ABAT: variants seen among roughly 807,000 people sequenced by gnomAD.
The protein encoded by ABAT is 4-aminobutyrate aminotransferase, mitochondrial.
ABAT carries 45 observed loss-of-function variants against 64.6 expected under a neutral mutation model. The observed-to-expected ratio is 0.70, with a 90% CI of 0.55 to 0.89. The LOEUF is 0.89. Among genes scored for constraint, ABAT ranks in the 40% least tolerant of loss-of-function variants. ABAT has a pLI of 0.00. For missense variants in ABAT, 633 were observed against 658.4 expected (o/e 0.96, Z 0.42); for synonymous variants, 297 against 250.5 (o/e 1.19, Z -1.75).
intron 14 of ABAT, among the ~76,000 whole-genome samples, chr16:8,777,143 C>T (rs768801937): frequency 1.2e-4 from 19 of 152,144 alleles, no homozygotes; most frequent in African/African-American, 2.4e-4. Flanking sequence ...TCAGGTGATC[C>T]GCTTGCCTCA....
At chr16:8,730,672 C>G (rs1159851707) in intron 1 of ABAT, among the ~76,000 whole-genome samples, 2 of 152,126 alleles carry the variant, frequency 1.3e-5, no homozygotes, top group Non-Finnish European at 2.9e-5. Flanking sequence ...GAATTTCTGT[C>G]CACTGTGGGG....
At position 8,772,849 on chromosome 16, in the gene ABAT, C is replaced by A; in HGVS notation, c.886C>A (p.Gln296Lys). ...TVAGIIVEPI[Q>K]SEGGDNHASD... ...GGCCGGGATCATCGTGGAGCCCATC[C>A]AGTCCGAGGGTGGAGACAACCACGC... The change falls in exon 12 of 16, where the codon CAG (glutamine) becomes AAG (lysine). Residue 296 changes from glutamine (Q) to lysine (K), a missense_variant. Gln to Lys is a moderately conservative substitution (Grantham distance 53). Coordinates refer to ENST00000268251, the MANE Select transcript of ABAT (RefSeq NM_020686.6). 7 of 1,614,080 alleles carry A rather than the reference C, an allele frequency of 4.3e-6. No individual in the cohort carries two copies. The highest frequency in any genetic ancestry group is 5.9e-6 in the Non-Finnish European group (7 of 1,180,024).
intron 5 of ABAT, among the ~76,000 whole-genome samples, chr16:8,753,391 G>A (rs1306438036): frequency 6.6e-6 from 1 of 152,086 alleles, no homozygotes; most frequent in African/African-American, 2.4e-5. Flanking sequence ...CACCGCGCCT[G>A]GCCCTCCCAA....
chr16:8,766,885 C>T (rs1398018552), intron 9 of ABAT, among the ~76,000 whole-genome samples: 1 of 152,090 alleles, frequency 6.6e-6, no homozygotes, highest in African/African-American at 2.4e-5. Context: ...AGGAGAATCG[C>T]TTGAACCCGA....
At chr16:8,779,934 C>T (rs2060384502) in intron 15 of ABAT, among the ~76,000 whole-genome samples, 2 of 152,076 alleles carry the variant, frequency 1.3e-5, no homozygotes, top group Non-Finnish European at 2.9e-5. Flanking sequence ...CAATCCATTG[C>T]AATTTTAAGT....
intron 11 of ABAT, among the ~76,000 whole-genome samples, chr16:8,770,495 G>C (rs150329921): frequency 6.6e-6 from 1 of 152,024 alleles, no homozygotes. Context: ...CTGGAGTGCA[G>C]TGGTGCAATC....
chr16:8,762,671 G>A (rs965505029), intron 6 of ABAT, among the ~76,000 whole-genome samples: 13 of 152,184 alleles, frequency 8.5e-5, no homozygotes, highest in African/African-American at 2.9e-4. Flanking sequence ...CCAGACGGCT[G>A]TCAAGCTGCC....
At chr16:8,701,494 C>T (rs1208934954) in intron 1 of ABAT, among the ~76,000 whole-genome samples, 1 of 152,200 alleles carries the variant, frequency 6.6e-6, no homozygotes, top group African/African-American at 2.4e-5. Flanking sequence ...GGAACAGTCC[C>T]CGATGGGTTG....
chr16:8,709,825 A>ACT (rs1289215907), intron 1 of ABAT, among the ~76,000 whole-genome samples: 1 of 77,310 alleles, frequency 1.3e-5, no homozygotes, highest in Non-Finnish European at 3.1e-5. Context: ...CAGTCAGTTA[A>ACT]CTTTTTTTTT....
rs3217123 is a variant in ABAT at position 8,781,189 on chromosome 16, TGATGGATGGATG to T, written c.1382-103_1382-92del. On this transcript the variant is annotated intron_variant, in intron 15 of 15. Transcript: ENST00000268251. This position sits in a 1 kb window ranked among gnomAD's most constrained non-coding sequence, Gnocchi z 4.5. The stretch of plus-strand genomic sequence containing the variant: ...AAGCCCGGGCTTCCATGATGGAGGA[TGATGGATGGATG>T]GATGGATGGATGGATGAGCGTTGCC... The T allele has an allele frequency of 5.6e-6, 8 of 1,431,950 alleles. 1 individual carries two copies. Among genetic ancestry groups the T allele is most frequent in the South Asian group, 3.4e-5 (3 of 87,462 alleles). 88.7% of individuals were successfully genotyped at this position (1,431,950 alleles called of 1,614,324 possible). A position where few individuals can be genotyped will look rare whatever the true frequency, so the allele number is the denominator to read the frequency against.
At chr16:8,731,893 G>A (rs952335187) in intron 1 of ABAT, among the ~76,000 whole-genome samples, 4 of 151,726 alleles carry the variant, frequency 2.6e-5, no homozygotes, top group Non-Finnish European at 4.4e-5. Flanking sequence ...TCGCCCTGTC[G>A]CCCAGGCTGG....
chr16:8,711,726 AGATGGATGGGTG>A (rs1329465769), intron 1 of ABAT, among the ~76,000 whole-genome samples: 43 of 94,808 alleles, frequency 4.5e-4, no homozygotes, highest in Non-Finnish European at 7.6e-4. Flanking sequence ...ATGGATGGGA[AGATGGATGGGTG>A]GATGGATGGG....
At position 8,742,976 on chromosome 16, in the gene ABAT, G is replaced by C. The variant is rs1293920678; in HGVS notation, c.71-3025G>C. 2.1e-5 allele frequency among the ~76,000 whole-genome samples: 3 copies of C among 144,412 alleles called. 1 individual carries two copies. Among genetic ancestry groups the C allele is most frequent in the South Asian group, 4.4e-4 (2 of 4,526 alleles). The allele number at this position is 144,412 out of a possible 152,430, so 94.7% of individuals were successfully genotyped here. A position where few individuals can be genotyped will look rare whatever the true frequency, so the allele number is the denominator to read the frequency against. ...ACTTGAGCCCAGGAGTTCAACGCCAGGCTGGGCAACATAGCGAGACCTCAT... is the reference window on the plus strand; with the variant it reads ...ACTTGAGCCCAGGAGTTCAACGCCACGCTGGGCAACATAGCGAGACCTCAT... On this transcript the variant is annotated intron_variant, in intron 2 of 15. Transcript: ENST00000268251.
At chr16:8,680,379 T>C (rs2057304045) in intron 1 of ABAT, among the ~76,000 whole-genome samples, 2 of 152,320 alleles carry the variant, frequency 1.3e-5, no homozygotes, top group South Asian at 4.1e-4. Flanking sequence ...TAAATTGGGG[T>C]AAAATACACA....
chr16:8,720,628 C>T (rs1466373744), intron 1 of ABAT: 2 of 152,316 alleles, frequency 1.3e-5, no homozygotes, highest in South Asian at 2.1e-4. Context: ...CTGTTAACCC[C>T]ATCTGCACAG....
intron 4 of ABAT, among the ~76,000 whole-genome samples, chr16:8,750,058 G>C (rs546174438): frequency 6.6e-6 from 1 of 152,292 alleles, no homozygotes; most frequent in South Asian, 2.1e-4. Flanking sequence ...GTACTTTGCA[G>C]TGTAACATTT....
At chr16:8,715,740 C>T (rs913416199) in intron 1 of ABAT, 4 of 149,870 alleles carry the variant, frequency 2.7e-5, no homozygotes, top group African/African-American at 9.9e-5. Context: ...ATTTTTATGT[C>T]ATGAATATGC....
intron 9 of ABAT, 91 bp downstream of exon 9, chr16:8,766,361 T>A: frequency 7.6e-7 from 1 of 1,319,256 alleles, no homozygotes; most frequent in South Asian, 1.2e-5. Context: ...TGTCCTCAAT[T>A]AGGAAGGGCC....
rs1476088961 is a variant in ABAT, at chr16:8,783,409, C to G, written c.*1979C>G. On this transcript the variant is annotated 3_prime_UTR_variant, in exon 16 of 16. Transcript: ENST00000268251. ...CATCAGGAAATCGGATGGAGAACCA[C>G]CATTCACCCAAGGGTCAGAGGAGGT... The G allele has an allele frequency of 1.3e-5, 2 of 152,044 alleles. No homozygotes were observed. The highest frequency in any genetic ancestry group is 4.8e-5 in the African/African-American group (2 of 41,366). 9.4% of individuals were successfully genotyped at this position (152,044 alleles called of 1,614,324 possible).
Sources: gnomAD v4.1 joint callset for allele counts (sites outside exome capture counted in the v4.1 genomes callset) on GRCh38, gnomAD v4.1.1 for gene constraint, Gnocchi (gnomAD v3.1) non-coding constraint, MANE v1.5 for transcripts, NCBI Gene and HGNC (gene_info 2026-07-23, HGNC 2026-07-21) for gene names.